The following SDCCAG8 variants were observed in gnomAD, a reference collection of about 807,000 sequenced individuals.
SDCCAG8 encodes serologically defined colon cancer antigen 8.
SDCCAG8 carries 74 observed loss-of-function variants against 101.8 expected under a neutral mutation model. The ratio of observed to expected loss-of-function variants is 0.73; its 90% CI spans 0.60 to 0.88. The LOEUF is 0.88. Ranked by LOEUF, SDCCAG8 falls within the 40% of genes least tolerant of loss-of-function variation. The probability of loss-of-function intolerance (pLI) is 0.00; values close to 1 mark genes in which losing one functional copy is unlikely to be tolerated. For synonymous variants in SDCCAG8, 281 were observed against 292.9 expected, an observed-to-expected ratio of 0.96 and a Z score of 0.41; for missense variants, 787 against 822.6, an observed-to-expected ratio of 0.96 and a Z score of 0.53.
chr1:243,468,313 G>C (rs1660552048), intron 16 of SDCCAG8, among the ~76,000 whole-genome samples: 1 of 151,904 alleles, frequency 6.6e-6, no homozygotes, highest in African/African-American at 2.4e-5. Context: ...CGCCTCCCGG[G>C]TTCAAGCAAT....
At chr1:243,372,598 T>G (rs1209860400) in intron 12 of SDCCAG8, among the ~76,000 whole-genome samples, 1 of 152,072 alleles carries the variant, frequency 6.6e-6, no homozygotes, top group Non-Finnish European at 1.5e-5. Flanking sequence ...CTACTTAATT[T>G]ATGTAAAAAA....
At chr1:243,346,277 A>G (rs2075701750) in intron 12 of SDCCAG8, 1 of 154,360 alleles carries the variant, frequency 6.5e-6, no homozygotes. Context: ...CTCAAGAGAG[A>G]AATTTACATT....
chr1:243,274,642 G>A lies in SDCCAG8; in HGVS notation c.406G>A (p.Val136Ile). ...SQYIHHLEAE[V>I]KFCKEELSGM... ...ATATATTCATCATTTAGAGGCAGAAGTTAAGTTCTGCAAGGTAAGTTTCTC... is the reference window on the plus strand; with the variant it reads ...ATATATTCATCATTTAGAGGCAGAAATTAAGTTCTGCAAGGTAAGTTTCTC... The change falls in exon 4 of 18, where the codon GTT (valine) becomes ATT (isoleucine). Residue 136 changes from valine (V) to isoleucine (I), a missense_variant. Transcript: ENST00000366541. The A allele has an allele frequency of 6.3e-7, 1 of 1,580,852 alleles. No individual in the cohort carries two copies. The highest frequency in any genetic ancestry group is 1.3e-5 in the African/African-American group (1 of 74,358).
chr1:243,437,866 C>T (rs2082252039), intron 16 of SDCCAG8, among the ~76,000 whole-genome samples: 1 of 152,204 alleles, frequency 6.6e-6, no homozygotes, highest in African/African-American at 2.4e-5. Context: ...CATTAACCAT[C>T]ACACCACTAA....
intron 16 of SDCCAG8, among the ~76,000 whole-genome samples, chr1:243,471,340 C>T (rs1453677149): frequency 3.9e-5 from 6 of 152,304 alleles, no homozygotes; most frequent in Non-Finnish European, 5.9e-5. Context: ...TACTGCTTCC[C>T]TTTTTTCCCC....
intron 1 of SDCCAG8, among the ~76,000 whole-genome samples, chr1:243,260,664 C>T (rs902894261): frequency 1.3e-5 from 2 of 152,176 alleles, no homozygotes; most frequent in African/African-American, 4.8e-5. Context: ...ATTTTATCAA[C>T]AACACCTGTA....
chr1:243,313,039 G>T (rs763571963), intron 8 of SDCCAG8, among the ~76,000 whole-genome samples: 5 of 152,162 alleles, frequency 3.3e-5, no homozygotes, highest in Admixed American at 3.3e-4. Context: ...GTAGCTCACA[G>T]TACCTTGGAG....
intron 13 of SDCCAG8, among the ~76,000 whole-genome samples, chr1:243,380,158 A>G (rs911363815): frequency 2.0e-5 from 3 of 152,192 alleles, no homozygotes; most frequent in African/African-American, 4.8e-5. Context: ...AAAAATCCTA[A>G]TAGATGAAAC....
chr1:243,423,226 T>A (rs997959188), intron 15 of SDCCAG8, among the ~76,000 whole-genome samples: 67 of 152,234 alleles, frequency 4.4e-4, no homozygotes, highest in African/African-American at 1.6e-3. Context: ...ACATTTATAT[T>A]TTTGGGATTA....
chr1:243,439,814 A>G (rs985410746), intron 16 of SDCCAG8, among the ~76,000 whole-genome samples: 1 of 152,216 alleles, frequency 6.6e-6, no homozygotes, highest in African/African-American at 2.4e-5. Context: ...ATCTGATGTC[A>G]GAGCCCATGC....
At chr1:243,367,993 C>T (rs1179067166) in intron 12 of SDCCAG8, among the ~76,000 whole-genome samples, 4 of 151,574 alleles carry the variant, frequency 2.6e-5, no homozygotes, top group Non-Finnish European at 5.9e-5. Flanking sequence ...GCAGGAGGAT[C>T]GCTTGAGCCC....
chr1:243,444,404 C>G (rs561571067), intron 16 of SDCCAG8, among the ~76,000 whole-genome samples: 1 of 151,428 alleles, frequency 6.6e-6, no homozygotes, highest in Non-Finnish European at 1.5e-5. Context: ...TGGAGTCTCG[C>G]TCTGTTGCCC....
At chr1:243,477,748 TCACTGGGGGCCAGTGTGG>T (rs1662718137) in intron 16 of SDCCAG8, among the ~76,000 whole-genome samples, 1 of 152,222 alleles carries the variant, frequency 6.6e-6, no homozygotes, top group South Asian at 2.1e-4. Flanking sequence ...ATGGGCCCAT[TCACTGGGGGCCAGTGTGG>T]CACTGTGGGC....
rs796202062 is a variant in SDCCAG8 at position 243,294,705 on chromosome 1, C to CA, written c.675+1486_675+1487insA. On this transcript the variant is annotated intron_variant, in intron 6 of 17. Transcript: ENST00000366541. Reference sequence around the variant, plus strand: ...CTGTGACTTTCTAAATTCCCCCCCCCCCCCACAGCTGCCTTTGAACGTCCT... The same window carrying CA: ...CTGTGACTTTCTAAATTCCCCCCCCCACCCCACAGCTGCCTTTGAACGTCCT... 9.2e-5 allele frequency among the ~76,000 whole-genome samples: 6 copies of CA among 65,348 alleles called. 1 individual carries two copies. The highest frequency in any genetic ancestry group is 1.5e-4 in the Non-Finnish European group (4 of 26,620). 42.9% of individuals were successfully genotyped at this position (65,348 alleles called of 152,430 possible). A position where few individuals can be genotyped will look rare whatever the true frequency, so the allele number is the denominator to read the frequency against.
chr1:243,383,534 T>C (rs2078087666), intron 13 of SDCCAG8, among the ~76,000 whole-genome samples: 1 of 152,220 alleles, frequency 6.6e-6, no homozygotes, highest in Non-Finnish European at 1.5e-5. Flanking sequence ...GGTATTTCCT[T>C]AGTTTGAACT....
At chr1:243,385,029 TAGAA>T (rs1192718843) in intron 13 of SDCCAG8, among the ~76,000 whole-genome samples, 1 of 152,010 alleles carries the variant, frequency 6.6e-6, no homozygotes, top group African/African-American at 2.4e-5. Context: ...TGAAGGGAGA[TAGAA>T]AGATAAAGAG....
chr1:243,417,617 T>A (rs2080683483), intron 14 of SDCCAG8, among the ~76,000 whole-genome samples: 4 of 152,204 alleles, frequency 2.6e-5, no homozygotes, highest in Non-Finnish European at 4.4e-5. Context: ...TTTGACACTC[T>A]GTTTATAGTA....
At chr1:243,427,881 G>A (rs1181598633) in intron 16 of SDCCAG8, among the ~76,000 whole-genome samples, 2 of 152,164 alleles carry the variant, frequency 1.3e-5, no homozygotes, top group Admixed American at 6.5e-5. Flanking sequence ...AACGTTTTCC[G>A]TAAAGGGCCA....
chr1:243,332,307 G>A (rs551001903), intron 10 of SDCCAG8, among the ~76,000 whole-genome samples: 1 of 152,294 alleles, frequency 6.6e-6, no homozygotes, highest in South Asian at 2.1e-4. Context: ...GCCATTGAAT[G>A]GCTTTGAATT....
Sources: allele counts gnomAD v4.1 joint callset (sites outside exome capture counted in the v4.1 genomes callset), GRCh38; gene constraint gnomAD v4.1.1; transcripts MANE v1.5; gene names NCBI Gene and HGNC (gene_info 2026-07-23, HGNC 2026-07-21).